VRK1: variants seen among roughly 807,000 people sequenced by gnomAD.
VRK1 encodes serine/threonine-protein kinase VRK1.
VRK1 carries 33 observed loss-of-function variants against 57.1 expected under a neutral mutation model. The ratio of observed to expected loss-of-function variants is 0.58; its 90% confidence interval spans 0.44 to 0.77. The LOEUF (loss-of-function observed/expected upper bound fraction) is 0.77. VRK1 is among the 30% of genes least tolerant of loss of function. The probability of loss-of-function intolerance (pLI) is 0.00; values close to 1 mark genes in which losing one functional copy is unlikely to be tolerated. For synonymous variants in VRK1, 137 were observed against 147.8 expected, an observed-to-expected ratio of 0.93 and a Z score of 0.53; for missense variants, 413 against 477.3, an observed-to-expected ratio of 0.87 and a Z score of 1.25.
At chr14:96,818,892 G>A (rs1052854669) in intron 1 of VRK1, among the ~76,000 whole-genome samples, 1 of 152,148 alleles carries the variant, frequency 6.6e-6, no homozygotes, top group East Asian at 1.9e-4. Flanking sequence ...GACCCTCTGT[G>A]TCACTGGGAA....
intron 5 of VRK1, among the ~76,000 whole-genome samples, chr14:96,849,987 T>C (rs1184503562): frequency 6.6e-6 from 1 of 152,180 alleles, no homozygotes; most frequent in Non-Finnish European, 1.5e-5. Context: ...CTGGTGTGGA[T>C]CAGAAGTGCC....
chr14:96,854,631 C>T (rs1284753949), intron 7 of VRK1, among the ~76,000 whole-genome samples: 1 of 152,026 alleles, frequency 6.6e-6, no homozygotes, highest in Non-Finnish European at 1.5e-5. Context: ...GAAGACTTGG[C>T]TTTAGAATAT....
chr14:96,810,225 C>A (rs1412403948), intron 1 of VRK1, among the ~76,000 whole-genome samples: 1 of 152,020 alleles, frequency 6.6e-6, no homozygotes, highest in African/African-American at 2.4e-5. Flanking sequence ...GGATATGAAT[C>A]CTTTGTCGAA....
intron 1 of VRK1, among the ~76,000 whole-genome samples, chr14:96,804,373 C>G (rs1248757436): frequency 6.6e-6 from 1 of 152,120 alleles, no homozygotes; most frequent in Admixed American, 6.5e-5. Context: ...AATGAATGAG[C>G]AATTAACTAT....
chr14:96,805,182 A>G (rs772961245), intron 1 of VRK1, among the ~76,000 whole-genome samples: 10 of 152,260 alleles, frequency 6.6e-5, no homozygotes, highest in Non-Finnish European at 1.5e-4. Flanking sequence ...GTGAAGAACT[A>G]TACAGAGAAT....
intron 1 of VRK1, among the ~76,000 whole-genome samples, chr14:96,825,458 C>G (rs73355702): frequency 0.045 from 6,844 of 152,170 alleles, 501 homozygotes; most frequent in African/African-American, 0.16. Flanking sequence ...AAATACTAAA[C>G]TTTTTTGCTG....
rs1420939606 is a variant in VRK1 at position 96,881,177 on chromosome 14, G to T, written c.1160G>T (p.Arg387Leu). The change falls in exon 13 of 13, where the codon CGT becomes CTT. Residue 387 changes from arginine (R) to leucine (L), a missense_variant and splice_region_variant. Around this residue, in one of 3 missense-constraint regions of VRK1, gnomAD observed 146 missense variants for 138.2 expected, o/e 1.06. Transcript: ENST00000216639. ...TCAGTTTCTTTGATTTTTCTTCAAGGTTCAAGAACCAGAAAGAGAGTCCAG... is the reference window on the plus strand; with the variant it reads ...TCAGTTTCTTTGATTTTTCTTCAAGTTTCAAGAACCAGAAAGAGAGTCCAG... ...NTQTEEAIQT[R>L]SRTRKRVQK 3.1e-6 allele frequency: 5 copies of T among 1,605,158 alleles called. No homozygotes were observed. The highest frequency in any genetic ancestry group is 3.4e-6 in the Non-Finnish European group (4 of 1,175,254).
chr14:96,833,037 A>C (rs908064698), intron 1 of VRK1, among the ~76,000 whole-genome samples: 2 of 152,134 alleles, frequency 1.3e-5, no homozygotes, highest in Non-Finnish European at 2.9e-5. Flanking sequence ...CCTTGTGCTC[A>C]GTTGCCTTAT....
At chr14:96,815,700 A>G (rs536325599) in intron 1 of VRK1, among the ~76,000 whole-genome samples, 1 of 151,708 alleles carries the variant, frequency 6.6e-6, no homozygotes, top group Non-Finnish European at 1.5e-5. Context: ...CCTGGGCAAC[A>G]TAGCCAGACC....
intron 1 of VRK1, among the ~76,000 whole-genome samples, chr14:96,821,601 A>G (rs938806894): frequency 6.6e-6 from 1 of 152,224 alleles, no homozygotes; most frequent in Non-Finnish European, 1.5e-5. Flanking sequence ...AGTTGTAATA[A>G]CTGGTAGCTG....
chr14:96,848,267 G>C (rs145976013), intron 5 of VRK1, among the ~76,000 whole-genome samples: 1 of 152,134 alleles, frequency 6.6e-6, no homozygotes, highest in Non-Finnish European at 1.5e-5. Flanking sequence ...GCAGAAAATG[G>C]TATCTATCGT....
chr14:96,832,023 TAA>T (rs1433650732), intron 1 of VRK1, among the ~76,000 whole-genome samples: 3 of 151,692 alleles, frequency 2.0e-5, no homozygotes, highest in South Asian at 2.1e-4. Context: ...CATGAAGAAA[TAA>T]GAGACACTTT....
At chr14:96,827,334 G>GAT (rs1886838271) in intron 1 of VRK1, among the ~76,000 whole-genome samples, 2 of 152,120 alleles carry the variant, frequency 1.3e-5, no homozygotes, top group African/African-American at 4.8e-5. Context: ...GTGAGGAAGG[G>GAT]ATACTGCAAG....
At chr14:96,867,273 G>A (rs1888621313) in intron 11 of VRK1, among the ~76,000 whole-genome samples, 1 of 152,088 alleles carries the variant, frequency 6.6e-6, no homozygotes, top group African/African-American at 2.4e-5. Flanking sequence ...AAAAATGTCT[G>A]TTTTTTCCCC....
At chr14:96,880,107 CATA>C (rs1225438605) in intron 12 of VRK1, among the ~76,000 whole-genome samples, 3 of 151,952 alleles carry the variant, frequency 2.0e-5, no homozygotes, top group Non-Finnish European at 4.4e-5. Context: ...AAAGGATATT[CATA>C]TAAGCTTGAA....
At chr14:96,877,918 A>C (rs1200820665) in intron 12 of VRK1, among the ~76,000 whole-genome samples, 2 of 152,180 alleles carry the variant, frequency 1.3e-5, no homozygotes, top group African/African-American at 4.8e-5. Context: ...TCCCATGAGA[A>C]AATATATCAG....
chr14:96,810,188 T>C (rs918442863), intron 1 of VRK1, among the ~76,000 whole-genome samples: 6 of 152,188 alleles, frequency 3.9e-5, no homozygotes, highest in Admixed American at 2.6e-4. Context: ...TTTTTTCTTA[T>C]TGAAATGTGG....
At chr14:96,873,687 AT>A (rs1374687868) in intron 11 of VRK1, among the ~76,000 whole-genome samples, 10 of 152,246 alleles carry the variant, frequency 6.6e-5, no homozygotes, top group Non-Finnish European at 1.5e-4. Flanking sequence ...AAAATGAAGC[AT>A]TTGGAAAGAT....
intron 1 of VRK1, among the ~76,000 whole-genome samples, chr14:96,828,141 C>CTAT (rs1886869948): frequency 7.3e-6 from 1 of 137,414 alleles, no homozygotes; most frequent in Non-Finnish European, 1.6e-5. Context: ...ATCCGTCTTA[C>CTAT]TATATTCATT....
Sources: gnomAD v4.1 joint callset for allele counts (sites outside exome capture counted in the v4.1 genomes callset) on GRCh38, gnomAD v4.1.1 for gene constraint, gnomAD v4.1.1 regional missense constraint, MANE v1.5 for transcripts, NCBI Gene and HGNC (gene_info 2026-07-23, HGNC 2026-07-21) for gene names.